Variants in WBP1L observed in about 807,000 individuals in gnomAD.
WBP1L encodes WW domain binding protein 1 like.
In WBP1L, 17 loss-of-function variants were observed where a neutral mutation model predicts 33.7. The ratio of observed to expected loss-of-function variants is 0.50; its 90% CI spans 0.34 to 0.76. The LOEUF is 0.76. WBP1L is among the 30% of genes least tolerant of loss of function. WBP1L has a pLI of 0.01. For missense variants in WBP1L, 389 were observed against 469.4 expected, an observed-to-expected ratio of 0.83 and a Z score of 1.58; for synonymous variants, 173 against 190.8, an observed-to-expected ratio of 0.91 and a Z score of 0.77.
chr10:102,776,150 C>T (rs946451797), intron 1 of WBP1L: 4 of 1,405,526 alleles, frequency 2.8e-6, no homozygotes, highest in Non-Finnish European at 3.7e-6. Context: ...TTTGCTGCGT[C>T]TGAGATATGT....
intron 1 of WBP1L, among the ~76,000 whole-genome samples, chr10:102,757,679 C>T (rs1298620710): frequency 7.0e-6 from 1 of 143,804 alleles, no homozygotes; most frequent in African/African-American, 2.6e-5. Flanking sequence ...TGAGTTCTAG[C>T]GATCATCCCA....
At chr10:102,785,535 G>T (rs556118229) in intron 1 of WBP1L, among the ~76,000 whole-genome samples, 1 of 149,732 alleles carries the variant, frequency 6.7e-6, no homozygotes, top group South Asian at 2.1e-4. Flanking sequence ...TGTAGGCATA[G>T]AACTCATTAG....
At chr10:102,779,454 C>T (rs548151606) in intron 1 of WBP1L, among the ~76,000 whole-genome samples, 166 of 151,978 alleles carry the variant, frequency 1.1e-3, no homozygotes, top group African/African-American at 3.8e-3. Context: ...TGTGCCACCA[C>T]GCCCAGCTAA....
intron 1 of WBP1L, among the ~76,000 whole-genome samples, chr10:102,761,325 A>G (rs111523511): frequency 0.034 from 5,154 of 150,278 alleles, 316 homozygotes; most frequent in African/African-American, 0.12. Flanking sequence ...TTTTTAGTAG[A>G]GATGGGGTTT....
At chr10:102,787,687 T>C (rs1311530106) in intron 1 of WBP1L, among the ~76,000 whole-genome samples, 1 of 152,180 alleles carries the variant, frequency 6.6e-6, no homozygotes, top group Admixed American at 6.6e-5. Flanking sequence ...CTTACTTTCT[T>C]CATCCTCAGC....
chr10:102,776,559 T>G (rs1843266874), intron 1 of WBP1L: 4 of 1,118,932 alleles, frequency 3.6e-6, no homozygotes, highest in Middle Eastern at 2.1e-4. Context: ...AACTTTCCAG[T>G]CTCCCTTCTT....
At chr10:102,744,848 G>T (rs1357358718) in intron 1 of WBP1L, among the ~76,000 whole-genome samples, 1 of 152,180 alleles carries the variant, frequency 6.6e-6, no homozygotes, top group African/African-American at 2.4e-5. Flanking sequence ...TGACCAGAGG[G>T]TGGTTCTGAT....
intron 1 of WBP1L, among the ~76,000 whole-genome samples, chr10:102,780,320 A>G (rs1843319509): frequency 6.6e-6 from 1 of 152,184 alleles, no homozygotes; most frequent in East Asian, 1.9e-4. Context: ...TTTAGATATA[A>G]CAAACAATTA....
chr10:102,773,251 C>T (rs974235261), intron 1 of WBP1L, among the ~76,000 whole-genome samples: 4 of 152,110 alleles, frequency 2.6e-5, no homozygotes, highest in Non-Finnish European at 4.4e-5. Context: ...CAGATATCAG[C>T]GCTTAGTGAA....
At chr10:102,745,248 A>G (rs912795908) in intron 1 of WBP1L, among the ~76,000 whole-genome samples, 1 of 152,228 alleles carries the variant, frequency 6.6e-6, no homozygotes, top group African/African-American at 2.4e-5. Context: ...CTGCCTTTTC[A>G]CAAATACATC....
At chr10:102,756,802 C>G (rs925626488) in intron 1 of WBP1L, among the ~76,000 whole-genome samples, 2 of 152,072 alleles carry the variant, frequency 1.3e-5, no homozygotes, top group African/African-American at 4.8e-5. Context: ...GGTCCACTGG[C>G]TCACGCCTGT....
intron 2 of WBP1L, 130 bp downstream of exon 2, chr10:102,798,225 T>TG (rs1334820828): frequency 1.4e-6 from 1 of 724,628 alleles, no homozygotes; most frequent in Admixed American, 2.7e-5. Flanking sequence ...AATCTGTTTA[T>TG]GGGTTCCAGA....
chr10:102,756,557 G>A (rs1361473107), intron 1 of WBP1L, among the ~76,000 whole-genome samples: 1 of 151,890 alleles, frequency 6.6e-6, no homozygotes, highest in African/African-American at 2.4e-5. Flanking sequence ...GCTTTATACC[G>A]TGATTTATTT....
chr10:102,780,089 CAG>C (rs1590178868), intron 1 of WBP1L, among the ~76,000 whole-genome samples: 1 of 152,166 alleles, frequency 6.6e-6, no homozygotes, highest in Non-Finnish European at 1.5e-5. Context: ...AGGAAGACCT[CAG>C]GGCCCTTCTT....
intron 1 of WBP1L, chr10:102,746,023 C>A: frequency 2.4e-6 from 1 of 411,438 alleles, no homozygotes; most frequent in Non-Finnish European, 3.3e-6. Context: ...AGGCTGTCCC[C>A]AGTAACCAAT....
At chr10:102,747,026 G>C (rs544571533) in intron 1 of WBP1L, among the ~76,000 whole-genome samples, 2 of 152,240 alleles carry the variant, frequency 1.3e-5, no homozygotes, top group East Asian at 3.9e-4. Flanking sequence ...CTCTCCTACA[G>C]GTTATGACAT....
intron 2 of WBP1L, among the ~76,000 whole-genome samples, chr10:102,808,331 T>A (rs1843768826): frequency 6.6e-6 from 1 of 152,218 alleles, no homozygotes; most frequent in Admixed American, 6.5e-5. Flanking sequence ...TATGTGTATG[T>A]GTGTTATGTG....
intron 1 of WBP1L, among the ~76,000 whole-genome samples, chr10:102,745,635 T>A (rs1842856371): frequency 6.6e-6 from 1 of 152,248 alleles, no homozygotes; most frequent in South Asian, 2.1e-4. Flanking sequence ...GTACTAGTAC[T>A]TCATTCCTGT....
intron 1 of WBP1L, among the ~76,000 whole-genome samples, chr10:102,763,285 TAG>T (rs1206063585): frequency 6.6e-6 from 1 of 151,676 alleles, no homozygotes; most frequent in Non-Finnish European, 1.5e-5. Context: ...GATGTTCAGT[TAG>T]AGAGTCTGTG....
Sources: gnomAD v4.1 joint callset for allele counts (sites outside exome capture counted in the v4.1 genomes callset) on GRCh38, gnomAD v4.1.1 for gene constraint, MANE v1.5 for transcripts, NCBI Gene and HGNC (gene_info 2026-07-23, HGNC 2026-07-21) for gene names.